The following ATP2B2 variants were observed in gnomAD, a reference collection of about 807,000 sequenced individuals.
ATP2B2 encodes plasma membrane calcium-transporting ATPase 2.
A neutral mutation model predicts 120.0 loss-of-function variants in ATP2B2; 15 were observed. The ratio of observed to expected loss-of-function variants is 0.12; its 90% CI spans 0.08 to 0.19. The LOEUF (loss-of-function observed/expected upper bound fraction) is 0.19. Among genes scored for constraint, ATP2B2 ranks in the 10% least tolerant of loss-of-function variants. The pLI is 1.00. For synonymous variants in ATP2B2, 694 were observed against 700.3 expected (o/e 0.99, Z 0.14); for missense variants, 1,045 against 1,719.8 (o/e 0.61, Z 6.94).
intron 2 of ATP2B2, among the ~76,000 whole-genome samples, chr3:10,537,929 T>C (rs1212356617): frequency 6.6e-6 from 1 of 152,234 alleles, no homozygotes; most frequent in African/African-American, 2.4e-5. Flanking sequence ...AGCCCGTTAA[T>C]ATGGTGGATT....
At chr3:10,385,765 G>A (rs1287025181) in intron 7 of ATP2B2, among the ~76,000 whole-genome samples, 6 of 152,012 alleles carry the variant, frequency 3.9e-5, no homozygotes, top group African/African-American at 9.7e-5. Flanking sequence ...TATTCTCCAT[G>A]ACCACCATCT....
chr3:10,335,801 C>G (rs1311296598), intron 22 of ATP2B2, among the ~76,000 whole-genome samples: 1 of 152,200 alleles, frequency 6.6e-6, no homozygotes, highest in Non-Finnish European at 1.5e-5. Flanking sequence ...GTCTGTCCCC[C>G]TCTGGCTGCC....
Position 10,410,823 on chromosome 3 carries a change from C to T in ATP2B2, c.200-8G>A. On this transcript the variant is annotated splice_region_variant and splice_polypyrimidine_tract_variant and intron_variant, in intron 2 of 22. Coordinates refer to ENST00000360273, the MANE Select transcript of ATP2B2 (RefSeq NM_001001331.4). Reference sequence around the variant, plus strand: ...GAGCGGTGCCCGGCAAACCTGTGGACAGAGAACAGAGAGGTTGGCTGGGGG... The same window carrying T: ...GAGCGGTGCCCGGCAAACCTGTGGATAGAGAACAGAGAGGTTGGCTGGGGG... The T allele has an allele frequency of 6.2e-7, 1 of 1,613,000 alleles. No individual in the cohort carries two copies.
chr3:10,371,107 G>C lies in ATP2B2; in HGVS notation c.1659+702C>G, dbSNP rs547382203. On this transcript the variant is annotated intron_variant, in intron 12 of 22. Coordinates refer to ENST00000360273, the MANE Select transcript of ATP2B2 (RefSeq NM_001001331.4). ...ACAGCACCTCTCATCAAGAGGTGAAGTTTATTTTACCACTGTGTGAATCTG... is the reference window on the plus strand; with the variant it reads ...ACAGCACCTCTCATCAAGAGGTGAACTTTATTTTACCACTGTGTGAATCTG... Among the ~76,000 whole-genome samples the C allele has an allele frequency of 2.0e-4, 30 of 152,356 alleles. No individual in the cohort carries two copies. In the South Asian group the frequency reaches 6.2e-3, roughly 32 times the overall value.
At chr3:10,471,364 CTGTGTGTG>C (rs58583936) in intron 1 of ATP2B2, among the ~76,000 whole-genome samples, 3,710 of 150,462 alleles carry the variant, frequency 0.025, 80 homozygotes, top group African/African-American at 0.061. Context: ...TTCAGGAAAC[CTGTGTGTG>C]TGTGTGTGTG....
At chr3:10,352,602 C>A (rs1438166614) in intron 14 of ATP2B2, among the ~76,000 whole-genome samples, 1 of 152,232 alleles carries the variant, frequency 6.6e-6, no homozygotes, top group African/African-American at 2.4e-5. Flanking sequence ...TGGGGAGAAG[C>A]CTTCCAGTGC....
At chr3:10,640,721 G>A (rs2070148791) in intron 1 of ATP2B2, among the ~76,000 whole-genome samples, 1 of 150,790 alleles carries the variant, frequency 6.6e-6, no homozygotes, top group Non-Finnish European at 1.5e-5. Flanking sequence ...ATTCCCCATT[G>A]CTGCCTCCTG....
At chr3:10,434,408 T>C (rs575708822) in intron 2 of ATP2B2, among the ~76,000 whole-genome samples, 1 of 152,324 alleles carries the variant, frequency 6.6e-6, no homozygotes, top group African/African-American at 2.4e-5. Flanking sequence ...TTTGATTTCA[T>C]TCTGAGAGCA....
At chr3:10,624,645 C>A (rs905738057) in intron 1 of ATP2B2, among the ~76,000 whole-genome samples, 2 of 152,240 alleles carry the variant, frequency 1.3e-5, no homozygotes, top group African/African-American at 4.8e-5. Context: ...ACCAACAGGG[C>A]TTTCCTGACC....
chr3:10,381,934 C>T (rs1307068218), intron 8 of ATP2B2, among the ~76,000 whole-genome samples: 2 of 151,530 alleles, frequency 1.3e-5, no homozygotes, highest in Non-Finnish European at 2.9e-5. Flanking sequence ...TGGGAAATAC[C>T]ACTTCTCTTC....
chr3:10,603,894 G>A (rs2068992359), intron 2 of ATP2B2, among the ~76,000 whole-genome samples: 1 of 152,164 alleles, frequency 6.6e-6, no homozygotes, highest in Non-Finnish European at 1.5e-5. Context: ...GTCCCTGGAG[G>A]AGGGTAAGAC....
chr3:10,665,526 G>T (rs1226581040), intron 1 of ATP2B2, among the ~76,000 whole-genome samples: 1 of 152,186 alleles, frequency 6.6e-6, no homozygotes, highest in East Asian at 1.9e-4. Flanking sequence ...GGCTGGGAGA[G>T]ACCCTTATCT....
At chr3:10,484,839 C>G (rs9832923) in intron 1 of ATP2B2, among the ~76,000 whole-genome samples, 4,796 of 152,348 alleles carry the variant, frequency 0.031, 237 homozygotes, top group African/African-American at 0.11. Flanking sequence ...CTGTGTCCTA[C>G]TTAGTTCTGC....
chr3:10,350,128 C>T lies in ATP2B2; in HGVS notation c.2388G>A (p.Lys796=). ...AAGTCTTACCTTTAACCAGGGTATG[C>T]TTGTCCGTTGGGGAGGAGCGAGCCA... ...RVLARSSPTD[K]HTLVKGIIDS... The change falls in exon 16 of 23, where the codon AAG becomes AAA. Residue 796 remains lysine (K), a synonymous_variant. Transcript: ENST00000360273. 6.2e-7 allele frequency: 1 copy of T among 1,606,252 alleles called. No homozygotes were observed. The highest frequency in any genetic ancestry group is 8.5e-7 in the Non-Finnish European group (1 of 1,175,924).
At chr3:10,487,182 G>C (rs2065715172) in intron 1 of ATP2B2, among the ~76,000 whole-genome samples, 1 of 152,072 alleles carries the variant, frequency 6.6e-6, no homozygotes, top group Non-Finnish European at 1.5e-5. Context: ...GAAACATGCT[G>C]GTCCCTTCCT....
chr3:10,590,149 C>T (rs552828670), intron 2 of ATP2B2, among the ~76,000 whole-genome samples: 4 of 152,264 alleles, frequency 2.6e-5, no homozygotes, highest in African/African-American at 9.6e-5. Context: ...ACTGTGTTGA[C>T]AGAAGGAAGG....
chr3:10,511,813 C>G (rs2066766681), intron 3 of ATP2B2, among the ~76,000 whole-genome samples: 1 of 152,212 alleles, frequency 6.6e-6, no homozygotes, highest in Non-Finnish European at 1.5e-5. Flanking sequence ...ATTCAGGCAA[C>G]AGATATTTAT....
chr3:10,619,631 C>T (rs1474579505), intron 2 of ATP2B2, among the ~76,000 whole-genome samples: 4 of 152,146 alleles, frequency 2.6e-5, no homozygotes, highest in East Asian at 1.9e-4. Flanking sequence ...AGGCGGTCAC[C>T]GGCTGGAAAT....
At chr3:10,701,992 C>A (rs2071826924) in intron 1 of ATP2B2, among the ~76,000 whole-genome samples, 1 of 152,148 alleles carries the variant, frequency 6.6e-6, no homozygotes, top group South Asian at 2.1e-4. Context: ...CCTTGTTCTT[C>A]TCACAACCTC....
Sources: gnomAD v4.1 joint callset for allele counts (sites outside exome capture counted in the v4.1 genomes callset) on GRCh38, gnomAD v4.1.1 for gene constraint, MANE v1.5 for transcripts, NCBI Gene and HGNC (gene_info 2026-07-23, HGNC 2026-07-21) for gene names.